The following LRRC59 variants were observed in gnomAD, a reference collection of about 807,000 sequenced individuals.
The protein encoded by LRRC59 is leucine rich repeat containing 59.
In LRRC59, 18 loss-of-function variants were observed where a neutral mutation model predicts 33.5. The observed-to-expected ratio is 0.54, with a 90% CI of 0.37 to 0.80. The LOEUF (loss-of-function observed/expected upper bound fraction) is 0.80. Among genes scored for constraint, LRRC59 ranks in the 30% least tolerant of loss-of-function variants. LRRC59 has a pLI of 0.00. For synonymous variants in LRRC59, 138 were observed against 160.0 expected (o/e 0.86, Z 1.04); for missense variants, 330 against 391.9 (o/e 0.84, Z 1.33).
rs146196246 is a variant in LRRC59, at chr17:50,391,589, G to A, written c.429+809C>T. Among the ~76,000 whole-genome samples, 566 of 152,194 alleles carry A rather than the reference G, an allele frequency of 3.7e-3. 2 individuals carry two copies. Among genetic ancestry groups the A allele is most frequent in the Non-Finnish European group, 5.9e-3 (404 of 68,004 alleles). ...ATGCTGTTCTTAATAGGTAGGGTAC[G>A]GCACCTTCCAGGCTACTGACCACAG... On this transcript the variant is annotated intron_variant, in intron 4 of 6. Coordinates refer to ENST00000225972, the MANE Select transcript of LRRC59 (RefSeq NM_018509.4).
In LRRC59 at chr17:50,392,835, C is replaced by T; in HGVS notation, c.228G>A (p.Gln76=). 2 of 1,614,096 alleles carry T rather than the reference C, an allele frequency of 1.2e-6. No homozygotes were observed. Among genetic ancestry groups the T allele is most frequent in the Non-Finnish European group, 1.7e-6 (2 of 1,179,982 alleles). Reference sequence around the variant, plus strand: ...CCAGACGGCCAAAGTCTGCTGGCAGCTGCTGCAGCTTGTTCTTACTCAGGT... The same window carrying T: ...CCAGACGGCCAAAGTCTGCTGGCAGTTGCTGCAGCTTGTTCTTACTCAGGT... ...KLDLSKNKLQ[Q]LPADFGRLVN... The change falls in exon 3 of 7, where the codon CAG becomes CAA. Residue 76 remains glutamine, a synonymous_variant. Coordinates refer to ENST00000225972, the MANE Select transcript of LRRC59 (RefSeq NM_018509.4).
chr17:50,383,049 A>G lies in LRRC59; in HGVS notation c.863T>C (p.Val288Ala). Residue 288 changes from valine to alanine, a missense_variant, in exon 7 of 7, where the codon GTC (valine) becomes GCC (alanine). By Grantham distance (64) the Val-to-Ala change is moderately conservative (BLOSUM62 0). Transcript: ENST00000225972. ...GATCTCATGGCGGCGTAGACCCTGG[A>G]CCGCATTGTCATAGATGGTGTTCAC... ...TSVNTIYDNA[V>A]QGLRRHEILQ... 6.2e-7 allele frequency: 1 copy of G among 1,612,748 alleles called. No individual in the cohort carries two copies. Among genetic ancestry groups the G allele is most frequent in the African/African-American group, 1.3e-5 (1 of 74,978 alleles).
intron 4 of LRRC59, among the ~76,000 whole-genome samples, chr17:50,391,497 G>A (rs1441799914): frequency 6.6e-6 from 1 of 152,202 alleles, no homozygotes; most frequent in African/African-American, 2.4e-5. Flanking sequence ...AGCTGAAGCA[G>A]CAGCAATCTG....
chr17:50,396,235 C>T (rs1387569296), intron 1 of LRRC59: 3 of 152,236 alleles, frequency 2.0e-5, no homozygotes, highest in Non-Finnish European at 4.4e-5. Flanking sequence ...TTTGCTCCTT[C>T]CAAGCATTTT....
intron 6 of LRRC59, among the ~76,000 whole-genome samples, chr17:50,384,753 G>C (rs1913958838): frequency 8.2e-6 from 1 of 121,676 alleles, no homozygotes; most frequent in Admixed American, 8.8e-5. Flanking sequence ...CAACAAGAGT[G>C]AAACTCTGTC....
intron 1 of LRRC59, among the ~76,000 whole-genome samples, chr17:50,395,335 C>A (rs1375823745): frequency 4.0e-5 from 5 of 125,708 alleles, no homozygotes; most frequent in Admixed American, 9.1e-5. Flanking sequence ...CCGGCCTGCA[C>A]AACACAGTGA....
Position 50,386,222 on chromosome 17 carries a change from A to G in LRRC59, c.503-931T>C, listed in dbSNP as rs566260307. The G allele has an allele frequency of 1.1e-4, 16 of 152,254 alleles. No homozygotes were observed. In the East Asian group the frequency reaches 2.9e-3, roughly 28 times the overall value. The allele number at this position is 152,254 out of a possible 1,614,324, so 9.4% of individuals were successfully genotyped here. A position where few individuals can be genotyped will look rare whatever the true frequency, so the allele number is the denominator to read the frequency against. ...TAACTGGTTGTGATGAATTAGTTGT[A>G]AACACCACTGCACTAGGACCAGCCT... On this transcript the variant is annotated intron_variant, in intron 5 of 6. Transcript: ENST00000225972.
intron 4 of LRRC59, among the ~76,000 whole-genome samples, chr17:50,389,268 CAA>C (rs1372808011): frequency 1.3e-5 from 2 of 152,282 alleles, no homozygotes; most frequent in Non-Finnish European, 2.9e-5. Context: ...CACACAATCA[CAA>C]AGATTCTCGC....
chr17:50,396,114 T>G (rs1321949209), intron 1 of LRRC59: 1 of 152,222 alleles, frequency 6.6e-6, no homozygotes, highest in Non-Finnish European at 1.5e-5. Flanking sequence ...TTAAGGATCC[T>G]CTGGCAACCT....
intron 1 of LRRC59, 77 bp from the exon 2 acceptor site, chr17:50,395,065 T>G: frequency 1.0e-6 from 1 of 981,148 alleles, no homozygotes; most frequent in Non-Finnish European, 1.6e-6. Flanking sequence ...ATGAAGCATT[T>G]TCCAGAGAAT....
intron 5 of LRRC59, among the ~76,000 whole-genome samples, chr17:50,387,585 G>A (rs999122871): frequency 6.6e-6 from 1 of 152,224 alleles, no homozygotes; most frequent in African/African-American, 2.4e-5. Flanking sequence ...AAGGCATTGT[G>A]ATGGTCCCAG....
At chr17:50,383,625 G>A (rs1913928048) in intron 6 of LRRC59, among the ~76,000 whole-genome samples, 1 of 151,926 alleles carries the variant, frequency 6.6e-6, no homozygotes, top group African/African-American at 2.4e-5. Context: ...TCATTATTAT[G>A]ATATAATGTG....
intron 4 of LRRC59, among the ~76,000 whole-genome samples, chr17:50,391,921 A>T (rs1455451456): frequency 6.6e-6 from 1 of 152,224 alleles, no homozygotes; most frequent in African/African-American, 2.4e-5. Context: ...AGTGCAGGCC[A>T]GGCATGGTGG....
intron 5 of LRRC59, among the ~76,000 whole-genome samples, chr17:50,387,748 T>C (rs544384169): frequency 3.3e-5 from 5 of 152,156 alleles, no homozygotes; most frequent in Non-Finnish European, 7.3e-5. Context: ...TGATTTCCTA[T>C]TACAGGGAAC....
chr17:50,393,004 G>A (rs925871925), intron 2 of LRRC59, 107 bp from the exon 3 acceptor site: 2 of 1,133,836 alleles, frequency 1.8e-6, no homozygotes, highest in African/African-American at 1.6e-5. Context: ...AACATTACGA[G>A]ATTTTTTTTC....
At position 50,397,381 on chromosome 17, in the gene LRRC59, G is replaced by A; in HGVS notation, c.-64C>T. The A allele has an allele frequency of 1.5e-6, 2 of 1,320,406 alleles. No individual in the cohort carries two copies. The highest frequency in any genetic ancestry group is 2.6e-5 in the East Asian group (1 of 37,920). 81.8% of individuals were successfully genotyped at this position (1,320,406 alleles called of 1,614,324 possible). A position where few individuals can be genotyped will look rare whatever the true frequency, so the allele number is the denominator to read the frequency against. On this transcript the variant is annotated 5_prime_UTR_variant, in exon 1 of 7. Transcript: ENST00000225972. ...GGCGGGTGAAAGGAGCTGAAATGTCGCTTGTCAGTTCAGCGGCCCCCCACC... is the reference window on the plus strand; with the variant it reads ...GGCGGGTGAAAGGAGCTGAAATGTCACTTGTCAGTTCAGCGGCCCCCCACC...
At chr17:50,392,603 G>A (rs1914173062) in intron 3 of LRRC59, 101 bp from the exon 4 acceptor site, 2 of 1,451,082 alleles carry the variant, frequency 1.4e-6, no homozygotes, top group Non-Finnish European at 1.9e-6. Flanking sequence ...GCCCCTCTGT[G>A]TTCCACATAT....
Position 50,389,095 on chromosome 17 carries a change from A to G in LRRC59, c.430-963T>C, listed in dbSNP as rs140554773. 2.6e-3 allele frequency among the ~76,000 whole-genome samples: 401 copies of G among 152,338 alleles called. 3 individuals are homozygous for G. Among genetic ancestry groups the G allele is most frequent in the African/African-American group, 8.9e-3 (370 of 41,576 alleles). On this transcript the variant is annotated intron_variant, in intron 4 of 6. Transcript: ENST00000225972. ...CTAATGGCCAGAAAGCAGCACAGCT[A>G]AGACCTGAGCACAGTCCCCTGCATT...
chr17:50,394,187 C>A (rs1050747048), intron 2 of LRRC59, among the ~76,000 whole-genome samples: 1 of 152,162 alleles, frequency 6.6e-6, no homozygotes, highest in African/African-American at 2.4e-5. Context: ...CTCTGAGCCA[C>A]AGCCAGGGCC....
Sources: allele counts gnomAD v4.1 joint callset (sites outside exome capture counted in the v4.1 genomes callset), GRCh38; gene constraint gnomAD v4.1.1; transcripts MANE v1.5; gene names NCBI Gene and HGNC (gene_info 2026-07-23, HGNC 2026-07-21).